The following AMBN variants were observed in gnomAD, a reference collection of about 807,000 sequenced individuals.
AMBN encodes the protein enamel matrix protein.
In AMBN, 54 loss-of-function variants were observed where a neutral mutation model predicts 48.0. The observed-to-expected ratio is 1.12, with a 90% CI of 0.90 to 1.41. AMBN has a LOEUF of 1.41. Ranked by LOEUF, AMBN falls within the 40% of genes most tolerant of loss-of-function variation. The pLI is 0.00. For synonymous variants in AMBN, 186 were observed against 190.0 expected (o/e 0.98, Z 0.17); for missense variants, 571 against 547.3 (o/e 1.04, Z -0.43).
At chr4:70,603,500 A>C in intron 11 of AMBN, 40 bp downstream of exon 11, 3 of 1,575,474 alleles carry the variant, frequency 1.9e-6, no homozygotes, top group Non-Finnish European at 2.6e-6. Context: ...TTTTAATTAA[A>C]TTTTATCTTA....
chr4:70,599,934 C>G (rs921570386), intron 5 of AMBN, among the ~76,000 whole-genome samples: 1 of 152,166 alleles, frequency 6.6e-6, no homozygotes, highest in Non-Finnish European at 1.5e-5. Context: ...CAGGCTACAT[C>G]CTGGACAATT....
chr4:70,597,696 A>G (rs1737417874), intron 3 of AMBN, among the ~76,000 whole-genome samples: 1 of 152,124 alleles, frequency 6.6e-6, no homozygotes, highest in Non-Finnish European at 1.5e-5. Context: ...AGCTGGGGGC[A>G]GTCAATACCT....
intron 4 of AMBN, among the ~76,000 whole-genome samples, chr4:70,599,011 G>A (rs1172768690): frequency 6.7e-6 from 1 of 149,964 alleles, no homozygotes; most frequent in Non-Finnish European, 1.5e-5. Context: ...CTGACCTCAG[G>A]TGATCCACCC....
In AMBN at chr4:70,593,319, T is replaced by G; in HGVS notation, c.16-8T>G. ...CTGATTTAATTCTCCAACTTAATTA[T>G]GTTTTAGATTCCACTTTTCAAAATG... On this transcript the variant is annotated splice_region_variant and splice_polypyrimidine_tract_variant and intron_variant, in intron 1 of 12. Transcript: ENST00000322937. The G allele has an allele frequency of 6.3e-7, 1 of 1,593,694 alleles. No individual in the cohort carries two copies. Among genetic ancestry groups the G allele is most frequent in the Non-Finnish European group, 8.6e-7 (1 of 1,165,794 alleles).
At position 70,601,576 on chromosome 4, in the gene AMBN, A is replaced by AC. The variant is rs753981873; in HGVS notation, c.454dup (p.His152ProfsTer21). On this transcript the variant is annotated frameshift_variant, in exon 6 of 13. Transcript: ENST00000322937. LOFTEE classifies it high-confidence loss of function. ...CACTTCAGCCTCCAATTCACCTGGG[A>AC]CATCTGCCCTTGCAGGAAGGAGAAC... The AC allele has an allele frequency of 6.2e-7, 1 of 1,614,166 alleles. No individual in the cohort carries two copies. Among genetic ancestry groups the AC allele is most frequent in the Non-Finnish European group, 8.5e-7 (1 of 1,180,004 alleles).
chr4:70,605,891 T>C (rs1737630578), intron 12 of AMBN, among the ~76,000 whole-genome samples: 1 of 152,240 alleles, frequency 6.6e-6, no homozygotes, highest in African/African-American at 2.4e-5. Context: ...TTTCAACTGC[T>C]TGTTTTCTTA....
chr4:70,606,549 C>A lies in AMBN; in HGVS notation c.1163C>A (p.Thr388Asn), dbSNP rs1352611153. 5 of 1,614,004 alleles carry A rather than the reference C, an allele frequency of 3.1e-6. No homozygotes were observed. Among genetic ancestry groups the A allele is most frequent in the Non-Finnish European group, 4.2e-6 (5 of 1,180,020 alleles). ...VTPAAADPLM[T>N]PELADVYRTY... ...CCAGCAGCTGCTGACCCACTGATGA[C>A]CCCTGAATTAGCTGATGTTTATAGG... The change falls in exon 13 of 13, where the codon ACC (threonine) becomes AAC (asparagine). Residue 388 changes from threonine (T) to asparagine (N), a missense_variant. By Grantham distance (65) the Thr-to-Asn change is moderately conservative. Transcript: ENST00000322937.
At chr4:70,602,012 TC>T (rs1366061113) in intron 6 of AMBN, 1 of 455,826 alleles carries the variant, frequency 2.2e-6, no homozygotes, top group Non-Finnish European at 4.3e-6. Flanking sequence ...AAGTGATTGA[TC>T]CCTCAGCATA....
Position 70,606,336 on chromosome 4 carries a change from A to C in AMBN, c.950A>C (p.Glu317Ala), listed in dbSNP as rs150017698. The change falls in exon 13 of 13, where the codon GAG (glutamate) becomes GCG (alanine). Residue 317 changes from glutamate (E) to alanine (A), a missense_variant. Physicochemically the swap from Glu to Ala is moderately radical, Grantham distance 107. Coordinates refer to ENST00000322937, the MANE Select transcript of AMBN (RefSeq NM_016519.6). ...CCAGTGGCTGCCACCAAAGGCCCTGAGAACGAAGAAGGAGGTGCACAAGGC... is the reference window on the plus strand; with the variant it reads ...CCAGTGGCTGCCACCAAAGGCCCTGCGAACGAAGAAGGAGGTGCACAAGGC... ...DSPVAATKGP[E>A]NEEGGAQGSP... 2.4e-4 allele frequency: 387 copies of C among 1,614,084 alleles called. 1 individual carries two copies. In the African/African-American group the frequency reaches 4.7e-3, roughly 19 times the overall value.
At chr4:70,603,484 T>C (rs1438465138) in intron 11 of AMBN, 24 bp downstream of exon 11, 1 of 1,598,734 alleles carries the variant, frequency 6.3e-7, no homozygotes, top group Admixed American at 1.7e-5. Context: ...CTATAAAAAG[T>C]ATTGTTTTTA....
At chr4:70,598,213 T>A (rs1737432045) in intron 3 of AMBN, 143 bp from the exon 4 acceptor site, 1 of 446,954 alleles carries the variant, frequency 2.2e-6, no homozygotes, top group Non-Finnish European at 4.0e-6. Flanking sequence ...TTTCCACCTT[T>A]CAGTGATGAT....
intron 4 of AMBN, 79 bp downstream of exon 4, chr4:70,598,482 T>G: frequency 8.8e-7 from 1 of 1,137,376 alleles, no homozygotes; most frequent in Non-Finnish European, 1.2e-6. Context: ...TCATCAAATT[T>G]ATTTATGAAT....
intron 2 of AMBN, among the ~76,000 whole-genome samples, chr4:70,595,322 G>A (rs1024961923): frequency 6.6e-6 from 1 of 151,766 alleles, no homozygotes; most frequent in African/African-American, 2.4e-5. Flanking sequence ...CAAGTAGCTG[G>A]GATTACAGGC....
At chr4:70,600,752 A>C (rs564813294) in intron 5 of AMBN, among the ~76,000 whole-genome samples, 1 of 152,344 alleles carries the variant, frequency 6.6e-6, no homozygotes, top group Admixed American at 6.5e-5. Flanking sequence ...ATATGGACTC[A>C]GAACCAAGAT....
Position 70,599,583 on chromosome 4 carries a change from C to T in AMBN, c.231C>T (p.His77=), listed in dbSNP as rs1040887902. 1.3e-5 allele frequency: 21 copies of T among 1,613,460 alleles called. No individual in the cohort carries two copies. The highest frequency in any genetic ancestry group is 1.7e-4 in the Middle Eastern group (1 of 6,054). The change falls in exon 5 of 13, where the codon CAC becomes CAT. Residue 77 remains histidine (H), a synonymous_variant. Transcript: ENST00000322937. ...FGKSFNSLWM[H]GLLPPHSSLP... ...AATCATTTAATTCTTTGTGGATGCA[C>T]GGTCTCCTCCCACCACATTCCTCTC...
At chr4:70,605,911 T>G (rs1175887994) in intron 12 of AMBN, among the ~76,000 whole-genome samples, 1 of 152,200 alleles carries the variant, frequency 6.6e-6, no homozygotes. Flanking sequence ...AAAATTAAAT[T>G]CAAACTCACC....
chr4:70,602,046 ATC>A lies in AMBN; in HGVS notation c.531+398_531+399del, dbSNP rs1737532793. On this transcript the variant is annotated intron_variant, in intron 6 of 12. Coordinates refer to ENST00000322937, the MANE Select transcript of AMBN (RefSeq NM_016519.6). ...ATAACAAGTAGGATTTTGCATTATT[ATC>A]TCTCTGACAAAGAGGTGACCACTAT... 3 of 414,404 alleles carry A rather than the reference ATC, an allele frequency of 7.2e-6. No homozygotes were observed. In the East Asian group the frequency reaches 2.1e-4, roughly 29 times the overall value. 25.7% of individuals were successfully genotyped at this position (414,404 alleles called of 1,614,324 possible).
intron 6 of AMBN, 184 bp downstream of exon 6, chr4:70,601,838 C>G (rs1396843378): frequency 1.4e-6 from 1 of 715,094 alleles, no homozygotes; most frequent in Non-Finnish European, 2.5e-6. Flanking sequence ...CCATTCCTAT[C>G]TTTTGCCATC....
At chr4:70,597,420 T>C (rs1737411792) in intron 3 of AMBN, among the ~76,000 whole-genome samples, 1 of 152,136 alleles carries the variant, frequency 6.6e-6, no homozygotes, top group Non-Finnish European at 1.5e-5. Context: ...AAAGTTCTCA[T>C]GAAAAATTTT....
Sources: gnomAD v4.1 joint callset for allele counts (sites outside exome capture counted in the v4.1 genomes callset) on GRCh38, gnomAD v4.1.1 for gene constraint, MANE v1.5 for transcripts, NCBI Gene and HGNC (gene_info 2026-07-23, HGNC 2026-07-21) for gene names.